DISC1: variants seen among roughly 807,000 people sequenced by gnomAD.
DISC1 encodes the protein disrupted in schizophrenia 1 protein.
In DISC1, 57 loss-of-function variants were observed where a neutral mutation model predicts 84.5. The observed-to-expected ratio is 0.67, with a 90% CI of 0.55 to 0.84. DISC1 has a LOEUF of 0.84. Among genes scored for constraint, DISC1 ranks in the 40% least tolerant of loss-of-function variants. DISC1 has a pLI of 0.00. For synonymous variants in DISC1, 411 were observed against 415.2 expected (o/e 0.99, Z 0.12); for missense variants, 1,000 against 1,057.8 (o/e 0.95, Z 0.76).
chr1:231,946,551 CAA>C lies in DISC1; in HGVS notation c.1982-12276_1982-12275del, dbSNP rs368606990. Among the ~76,000 whole-genome samples the C allele has an allele frequency of 3.8e-3, 581 of 152,254 alleles. 6 individuals carry two copies. The highest frequency in any genetic ancestry group is 0.012 in the African/African-American group (505 of 41,554). The stretch of plus-strand genomic sequence containing the variant: ...AAAGCATTCCCTTTGAAAACCAACA[CAA>C]GACAAGGATGCCCTCTCTCACCACT... On this transcript the variant is annotated intron_variant, in intron 9 of 12. Coordinates refer to ENST00000439617, the MANE Select transcript of DISC1 (RefSeq NM_018662.3).
intron 4 of DISC1, among the ~76,000 whole-genome samples, chr1:231,764,293 T>C (rs1308328792): frequency 8.5e-5 from 13 of 152,212 alleles, no homozygotes; most frequent in Admixed American, 8.5e-4. Flanking sequence ...TTGGCTATGT[T>C]AAAATATTTA....
chr1:231,959,730 G>A (rs899059657), intron 10 of DISC1, among the ~76,000 whole-genome samples: 4 of 152,182 alleles, frequency 2.6e-5, no homozygotes, highest in Admixed American at 2.6e-4. Context: ...TCCTTGGAAA[G>A]CCGTCCTATA....
chr1:232,003,449 A>G (rs1772696), intron 10 of DISC1, among the ~76,000 whole-genome samples: 43,347 of 152,024 alleles, frequency 0.29, 6,439 homozygotes, highest in African/African-American at 0.33. Context: ...ATCTAACATC[A>G]TAATCTGAGA....
chr1:231,893,967 A>T, intron 9 of DISC1, among the ~76,000 whole-genome samples: 1 of 152,210 alleles, frequency 6.6e-6, no homozygotes, highest in South Asian at 2.1e-4. Flanking sequence ...TGAGGGATAG[A>T]GCAGTTTACC....
chr1:231,978,946 G>A (rs1034088337), intron 10 of DISC1, among the ~76,000 whole-genome samples: 4 of 152,198 alleles, frequency 2.6e-5, no homozygotes, highest in African/African-American at 9.7e-5. Flanking sequence ...CACAGCAGGA[G>A]GTGAACAGCA....
intron 9 of DISC1, among the ~76,000 whole-genome samples, chr1:231,848,311 T>G (rs1574245489): frequency 6.6e-6 from 1 of 152,296 alleles, no homozygotes; most frequent in Admixed American, 6.5e-5. Flanking sequence ...TACCCTGCAG[T>G]GTTTGCACAT....
At chr1:231,906,774 A>G (rs1432625097) in intron 9 of DISC1, among the ~76,000 whole-genome samples, 1 of 152,088 alleles carries the variant, frequency 6.6e-6, no homozygotes. Context: ...GGCTCCCTGA[A>G]GGTAAAACAG....
intron 9 of DISC1, among the ~76,000 whole-genome samples, chr1:231,898,943 A>G (rs2087923507): frequency 6.6e-6 from 1 of 152,068 alleles, no homozygotes; most frequent in Non-Finnish European, 1.5e-5. Flanking sequence ...GACAAAACAA[A>G]ACAAAAAATG....
intron 7 of DISC1, among the ~76,000 whole-genome samples, chr1:231,798,502 G>T (rs1293787144): frequency 6.6e-6 from 1 of 152,158 alleles, no homozygotes; most frequent in South Asian, 2.1e-4. Flanking sequence ...GACTGGATGA[G>T]ACATAAGAAT....
chr1:231,749,851 C>T, intron 3 of DISC1, 75 bp from the exon 4 acceptor site: 1 of 1,596,068 alleles, frequency 6.3e-7, no homozygotes, highest in South Asian at 1.1e-5. Context: ...ACAACTGGAG[C>T]TAAGAGACAC....
intron 9 of DISC1, among the ~76,000 whole-genome samples, chr1:231,872,467 T>G (rs2085535002): frequency 6.6e-6 from 1 of 152,224 alleles, no homozygotes; most frequent in Non-Finnish European, 1.5e-5. Flanking sequence ...CACAGTCTGA[T>G]GCTTTGGCTG....
intron 10 of DISC1, among the ~76,000 whole-genome samples, chr1:231,967,984 A>T (rs1000667427): frequency 1.3e-5 from 2 of 152,230 alleles, no homozygotes; most frequent in Admixed American, 6.5e-5. Flanking sequence ...GTAGTTCACT[A>T]TTCTAGACAC....
chr1:231,782,363 A>G (rs1414878071), intron 6 of DISC1, among the ~76,000 whole-genome samples: 1 of 152,210 alleles, frequency 6.6e-6, no homozygotes, highest in Non-Finnish European at 1.5e-5. Context: ...AATGAAATCG[A>G]CAATATTCCC....
chr1:231,905,144 A>G (rs1178109259), intron 9 of DISC1, among the ~76,000 whole-genome samples: 1 of 152,224 alleles, frequency 6.6e-6, no homozygotes, highest in African/African-American at 2.4e-5. Flanking sequence ...CAATGGGACA[A>G]GTCGAAGTCC....
intron 9 of DISC1, among the ~76,000 whole-genome samples, chr1:231,883,256 A>G (rs542223568): frequency 6.6e-6 from 1 of 152,290 alleles, no homozygotes; most frequent in African/African-American, 2.4e-5. Flanking sequence ...TATTAATTAG[A>G]TTTCTGCTAA....
At chr1:231,808,034 GCCCTGGTATTATT>G (rs1399884436) in intron 8 of DISC1, among the ~76,000 whole-genome samples, 3 of 152,126 alleles carry the variant, frequency 2.0e-5, no homozygotes, top group Non-Finnish European at 4.4e-5. Context: ...CCAATGTATG[GCCCTGGTATTATT>G]CCCTGTATGT....
intron 9 of DISC1, among the ~76,000 whole-genome samples, chr1:231,895,462 T>C (rs1048965704): frequency 1.3e-5 from 2 of 152,002 alleles, no homozygotes; most frequent in Non-Finnish European, 2.9e-5. Flanking sequence ...GATAAATAAT[T>C]TTACAACAGC....
At chr1:232,010,999 T>C (rs1158073485) in intron 11 of DISC1, among the ~76,000 whole-genome samples, 1 of 152,160 alleles carries the variant, frequency 6.6e-6, no homozygotes, top group Admixed American at 6.5e-5. Context: ...GCTTCTGCTG[T>C]TCCTCAAATG....
At chr1:231,781,659 G>A (rs1174144933) in intron 6 of DISC1, among the ~76,000 whole-genome samples, 1 of 152,128 alleles carries the variant, frequency 6.6e-6, no homozygotes, top group Admixed American at 6.6e-5. Flanking sequence ...TAATTTCTCT[G>A]TAATTTACAT....
Sources: allele counts gnomAD v4.1 joint callset (sites outside exome capture counted in the v4.1 genomes callset), GRCh38; gene constraint gnomAD v4.1.1; transcripts MANE v1.5; gene names NCBI Gene and HGNC (gene_info 2026-07-23, HGNC 2026-07-21).